Variants in KEL observed in about 807,000 individuals in gnomAD.
KEL encodes the protein kell blood group glycoprotein.
Under a neutral mutation model 99.5 loss-of-function variants are expected in KEL, and 96 were observed. The observed-to-expected ratio is 0.97, with a 90% CI of 0.82 to 1.14. The LOEUF (loss-of-function observed/expected upper bound fraction) is 1.14. Ranked by LOEUF, KEL falls within the 50% of genes most tolerant of loss-of-function variation. The pLI, the probability that KEL is intolerant of heterozygous loss-of-function variation, is 0.00. For synonymous variants in KEL, 355 were observed against 354.8 expected, an observed-to-expected ratio of 1.00 and a Z score of -0.01; for missense variants, 926 against 924.2, an observed-to-expected ratio of 1.00 and a Z score of -0.03.
intron 10 of KEL, among the ~76,000 whole-genome samples, chr7:142,948,890 A>G (rs1020115260): frequency 8.0e-5 from 12 of 149,202 alleles, no homozygotes; most frequent in African/African-American, 2.8e-4. Context: ...GTGTTTCCCA[A>G]GCTTCACAGA....
chr7:142,952,174 G>A (rs1285485872), intron 10 of KEL, among the ~76,000 whole-genome samples: 1 of 152,114 alleles, frequency 6.6e-6, no homozygotes, highest in Non-Finnish European at 1.5e-5. Context: ...TAAGCTCTAA[G>A]TCCAAGTTAT....
chr7:142,952,097 A>G (rs531526765), intron 10 of KEL, among the ~76,000 whole-genome samples: 1 of 152,268 alleles, frequency 6.6e-6, no homozygotes, highest in African/African-American at 2.4e-5. Context: ...GCACGTTTGA[A>G]CATGGAATCA....
In KEL at chr7:142,962,263, G is replaced by T; in HGVS notation, c.-57C>A. On this transcript the variant is annotated 5_prime_UTR_variant, in exon 1 of 19. Coordinates refer to ENST00000355265, the MANE Select transcript of KEL (RefSeq NM_000420.3). The stretch of plus-strand genomic sequence containing the variant: ...CTGGTTCCACTCTAGGAGCTGATTC[G>T]GAGGACTGGGGTCCAGGAAACACCC... 6.2e-7 allele frequency: 1 copy of T among 1,605,206 alleles called. No individual in the cohort carries two copies. Among genetic ancestry groups the T allele is most frequent in the Non-Finnish European group, 8.5e-7 (1 of 1,171,878 alleles).
intron 1 of KEL, 81 bp downstream of exon 1, chr7:142,962,123 C>T (rs1221771921): frequency 6.2e-6 from 10 of 1,613,728 alleles, no homozygotes; most frequent in Non-Finnish European, 8.5e-6. Context: ...ACATTCCCTC[C>T]CCTCCAGTGG....
chr7:142,959,338 C>A (rs1796901157), intron 4 of KEL, among the ~76,000 whole-genome samples: 1 of 151,684 alleles, frequency 6.6e-6, no homozygotes, highest in Non-Finnish European at 1.5e-5. Flanking sequence ...GAGAGGACTG[C>A]CCAATTTGGA....
intron 10 of KEL, among the ~76,000 whole-genome samples, chr7:142,948,899 GACACACACACACAC>G (rs72104159): frequency 7.0e-6 from 1 of 142,208 alleles, no homozygotes; most frequent in Non-Finnish European, 1.6e-5. Flanking sequence ...AAGCTTCACA[GACACACACACACAC>G]ACACACACAC....
rs8176033 is a variant in KEL at position 142,944,123 on chromosome 7, G to A, written c.1491+200C>T. ...TGCATGCATGTGTGTTGGCACATGC[G>A]TTGGGACCTGAAAAGATTCTGTTCT... is the stretch of plus-strand genomic sequence containing the variant. On this transcript the variant is annotated intron_variant, in intron 13 of 18. Transcript: ENST00000355265. Among the ~76,000 whole-genome samples, 397 of 152,284 alleles carry A rather than the reference G, an allele frequency of 2.6e-3. 1 individual carries two copies. The highest frequency in any genetic ancestry group is 9.2e-3 in the African/African-American group (384 of 41,548).
intron 10 of KEL, among the ~76,000 whole-genome samples, chr7:142,949,405 G>A (rs1326823717): frequency 6.6e-6 from 1 of 152,212 alleles, no homozygotes; most frequent in Admixed American, 6.5e-5. Flanking sequence ...GACCTCCAGT[G>A]ACATTCCTAC....
At chr7:142,957,380 C>T (rs1796851723) in intron 6 of KEL, among the ~76,000 whole-genome samples, 1 of 152,168 alleles carries the variant, frequency 6.6e-6, no homozygotes, top group South Asian at 2.1e-4. Flanking sequence ...TCACAAGGTG[C>T]TTGCAAAGCT....
At chr7:142,953,725 C>T in intron 9 of KEL, 83 bp downstream of exon 9, 3 of 1,547,942 alleles carry the variant, frequency 1.9e-6, no homozygotes, top group Non-Finnish European at 2.7e-6. Context: ...CTGCCTTCCC[C>T]AAGGTTTCCT....
chr7:142,953,671 C>G, intron 9 of KEL, 137 bp downstream of exon 9: 1 of 1,018,710 alleles, frequency 9.8e-7, no homozygotes, highest in Non-Finnish European at 1.5e-6. Context: ...TCTGCCCGCA[C>G]AGGTGGCAGG....
intron 10 of KEL, among the ~76,000 whole-genome samples, chr7:142,949,963 C>A (rs1796639414): frequency 6.6e-6 from 1 of 152,104 alleles, no homozygotes; most frequent in South Asian, 2.1e-4. Context: ...CAAAGATGGG[C>A]CAATAATGAG....
In KEL at chr7:142,961,463, C is replaced by T. The variant is rs1018668915; in HGVS notation, c.120G>A (p.Arg40=). 11 of 1,610,084 alleles carry T rather than the reference C, an allele frequency of 6.8e-6. No homozygotes were observed. The African/African-American group carries it at 1.1e-4, about 16-fold the overall frequency. ...PEERLPVEGS[R]PWAVARRVLT... ...GCACCCGCCTGGCCACTGCCCATGG[C>T]CTGCTCCCTTCCACGGGCAGCCTCT... The change falls in exon 3 of 19, where the codon AGG becomes AGA. Residue 40 remains arginine, a synonymous_variant. Coordinates refer to ENST00000355265, the MANE Select transcript of KEL (RefSeq NM_000420.3).
chr7:142,943,808 A>G lies in KEL; in HGVS notation c.1567T>C (p.Phe523Leu). ...CTGTGTTGGGGGTGAGGCTGCAAGAAGCTCTGGACAATTCTAGCTCGGAGG... is the reference window on the plus strand; with the variant it reads ...CTGTGTTGGGGGTGAGGCTGCAAGAGGCTCTGGACAATTCTAGCTCGGAGG... ...RSLRARIVQS[F>L]LQPHPQHRWK... The change falls in exon 14 of 19, where the codon TTC (phenylalanine) becomes CTC (leucine). Residue 523 changes from phenylalanine to leucine, a missense_variant. By Grantham distance (22) the Phe-to-Leu change is conservative (BLOSUM62 0). Coordinates refer to ENST00000355265, the MANE Select transcript of KEL (RefSeq NM_000420.3). The G allele has an allele frequency of 6.2e-7, 1 of 1,614,150 alleles. No individual in the cohort carries two copies. Among genetic ancestry groups the G allele is most frequent in the Non-Finnish European group, 8.5e-7 (1 of 1,180,014 alleles).
intron 10 of KEL, among the ~76,000 whole-genome samples, chr7:142,947,425 G>C (rs917519753): frequency 6.6e-6 from 1 of 152,130 alleles, no homozygotes; most frequent in African/African-American, 2.4e-5. Flanking sequence ...AGGCCAGTCT[G>C]GTAGTCACTG....
At chr7:142,953,388 G>C (rs3757853) in intron 9 of KEL, 604,579 of 984,290 alleles carry the variant, frequency 0.61, 187,288 homozygotes, top group East Asian at 0.91. Context: ...CCTTCACCAT[G>C]TTCATCTCCT....
chr7:142,943,185 T>C, intron 16 of KEL, 91 bp downstream of exon 16: 1 of 1,559,054 alleles, frequency 6.4e-7, no homozygotes, highest in East Asian at 2.3e-5. Flanking sequence ...CCTCAAACCC[T>C]CAAATAACCT....
intron 6 of KEL, among the ~76,000 whole-genome samples, chr7:142,955,543 A>G (rs1045961926): frequency 6.6e-6 from 1 of 152,196 alleles, no homozygotes; most frequent in Non-Finnish European, 1.5e-5. Flanking sequence ...TTAATAAAAT[A>G]CTATTTATCA....
At chr7:142,951,096 G>A (rs1461883288) in intron 10 of KEL, among the ~76,000 whole-genome samples, 1 of 152,214 alleles carries the variant, frequency 6.6e-6, no homozygotes, top group Non-Finnish European at 1.5e-5. Context: ...GAAAGGTGAA[G>A]TGGCGTCCCC....
Sources: allele counts gnomAD v4.1 joint callset (sites outside exome capture counted in the v4.1 genomes callset), GRCh38; gene constraint gnomAD v4.1.1; transcripts MANE v1.5; gene names NCBI Gene and HGNC (gene_info 2026-07-23, HGNC 2026-07-21).